TGDS: variants seen among roughly 807,000 people sequenced by gnomAD.
The protein encoded by TGDS is TDP-glucose 4,6-dehydratase.
In TGDS, 47 loss-of-function variants were observed where a neutral mutation model predicts 52.3. The observed-to-expected ratio is 0.90, with a 90% CI of 0.71 to 1.15. TGDS has a LOEUF of 1.15. TGDS is among the 50% of genes most tolerant of loss of function. The pLI is 0.00. For synonymous variants in TGDS, 115 were observed against 136.9 expected (o/e 0.84, Z 1.12); for missense variants, 375 against 418.4 (o/e 0.90, Z 0.90).
intron 7 of TGDS, chr13:94,579,592 TTCTA>T (rs140238942): frequency 1.3e-4 from 26 of 201,504 alleles, no homozygotes; most frequent in African/African-American, 5.6e-4. Context: ...GGTAGAAGTA[TTCTA>T]TAGTGCTTTA....
chr13:94,574,736 G>C lies in TGDS; in HGVS notation c.*46C>G, dbSNP rs1295658628. The C allele has an allele frequency of 8.2e-7, 1 of 1,222,392 alleles. No individual in the cohort carries two copies. The highest frequency in any genetic ancestry group is 1.2e-6 in the Non-Finnish European group (1 of 839,804). The allele number at this position is 1,222,392 out of a possible 1,614,324, so 75.7% of individuals were successfully genotyped here. A position where few individuals can be genotyped will look rare whatever the true frequency, so the allele number is the denominator to read the frequency against. ...TAATTTCATACCACTTGGCGAGGTA[G>C]GATAACTTTCTTCTTTGACAACTGT... On this transcript the variant is annotated 3_prime_UTR_variant, in exon 12 of 12. Transcript: ENST00000261296.
At chr13:94,585,067 T>C (rs891543913) in intron 4 of TGDS, among the ~76,000 whole-genome samples, 1 of 152,114 alleles carries the variant, frequency 6.6e-6, no homozygotes, top group Non-Finnish European at 1.5e-5. Context: ...GAAAACTTTT[T>C]TTTTTTCTCT....
chr13:94,590,382 C>T (rs1369026314), intron 4 of TGDS, among the ~76,000 whole-genome samples: 1 of 151,852 alleles, frequency 6.6e-6, no homozygotes, highest in Non-Finnish European at 1.5e-5. Context: ...GATTCAGCAA[C>T]ATTCTGTCTT....
intron 5 of TGDS, among the ~76,000 whole-genome samples, chr13:94,581,391 A>C (rs960901522): frequency 2.0e-5 from 3 of 152,204 alleles, no homozygotes; most frequent in African/African-American, 7.2e-5. Context: ...AGAGAACAGC[A>C]AGTGTAAGGG....
chr13:94,584,811 C>T (rs1010076898), intron 4 of TGDS, among the ~76,000 whole-genome samples: 2 of 152,090 alleles, frequency 1.3e-5, no homozygotes, highest in Admixed American at 1.3e-4. Context: ...CTAGAAGAGC[C>T]TCTCAATGGC....
intron 4 of TGDS, among the ~76,000 whole-genome samples, chr13:94,584,625 T>C (rs560553715): frequency 3.9e-5 from 6 of 152,330 alleles, no homozygotes; most frequent in Admixed American, 3.9e-4. Context: ...GTGCCCAGAC[T>C]GTGGCCTCTA....
chr13:94,588,421 C>CAAAAAAAA (rs150186125), intron 4 of TGDS, among the ~76,000 whole-genome samples: 39 of 58,490 alleles, frequency 6.7e-4, no homozygotes, highest in African/African-American at 2.2e-3. Flanking sequence ...GACTCTGTCT[C>CAAAAAAAA]AAAAAAAAAA....
Position 94,583,249 on chromosome 13 carries a change from A to G in TGDS, c.314-13T>C, listed in dbSNP as rs1176885204. The G allele has an allele frequency of 7.5e-6, 12 of 1,609,686 alleles. No individual in the cohort carries two copies. Among genetic ancestry groups the G allele is most frequent in the Non-Finnish European group, 9.3e-6 (11 of 1,178,736 alleles). ...ACGAATGAAAGATCTAAAAGAAAAG[A>G]GTGAAAAGCTAAAACAAGTCTACCC... On this transcript the variant is annotated splice_polypyrimidine_tract_variant and intron_variant, in intron 4 of 11. Coordinates refer to ENST00000261296, the MANE Select transcript of TGDS (RefSeq NM_014305.4).
chr13:94,576,413 T>C lies in TGDS; in HGVS notation c.885-2A>G, dbSNP rs775253964. ...GGGTATCTCATGTCATTGGTGGGTC[T>C]TGGAAAACAAAACAGATTTAAAATA... is the stretch of plus-strand genomic sequence containing the variant. On this transcript the variant is annotated splice_acceptor_variant, in intron 10 of 11. Coordinates refer to ENST00000261296, the MANE Select transcript of TGDS (RefSeq NM_014305.4). LOFTEE classifies it high-confidence loss of function. 6.4e-7 allele frequency: 1 copy of C among 1,571,212 alleles called. No homozygotes were observed. Among genetic ancestry groups the C allele is most frequent in the East Asian group, 2.3e-5 (1 of 43,490 alleles).
intron 3 of TGDS, 79 bp downstream of exon 3, chr13:94,592,162 C>T: frequency 9.2e-7 from 1 of 1,091,816 alleles, no homozygotes; most frequent in Non-Finnish European, 1.3e-6. Flanking sequence ...CCACATTACA[C>T]AAGTTTGTAA....
rs117901477 is a variant in TGDS at position 94,594,399 on chromosome 13, C to T, written c.87-492G>A. ...GTATAAGATTTTGGTAATGTTAAAC[C>T]AGAATCCTCAGGAGGCTTCTAGACT... On this transcript the variant is annotated intron_variant, in intron 1 of 11. Transcript: ENST00000261296. Among the ~76,000 whole-genome samples the T allele has an allele frequency of 2.5e-3, 384 of 152,216 alleles. 1 individual carries two copies. Among genetic ancestry groups the T allele is most frequent in the Non-Finnish European group, 4.0e-3 (271 of 68,010 alleles).
intron 1 of TGDS, 171 bp downstream of exon 1, chr13:94,595,880 C>G (rs1362177628): frequency 1.4e-6 from 1 of 710,610 alleles, no homozygotes; most frequent in African/African-American, 1.8e-5. Flanking sequence ...GGAACCACTT[C>G]TTTGCAGGCC....
chr13:94,576,969 C>T (rs1413761825), intron 10 of TGDS, among the ~76,000 whole-genome samples: 1 of 151,886 alleles, frequency 6.6e-6, no homozygotes, highest in Non-Finnish European at 1.5e-5. Context: ...GGTGTAGTGG[C>T]GTGTGCCTGT....
rs140173334 is a variant in TGDS at position 94,589,194 on chromosome 13, T to C, written c.313+1659A>G. ...GCCATACAGAGAAGGCTCTGTAACA[T>C]ATGTAATGATAAAGAACTAGTGTCC... On this transcript the variant is annotated intron_variant, in intron 4 of 11. Transcript: ENST00000261296. Among the ~76,000 whole-genome samples the C allele has an allele frequency of 3.3e-3, 501 of 152,256 alleles. 3 individuals carry two copies. Among genetic ancestry groups the C allele is most frequent in the Middle Eastern group, 0.02 (6 of 294 alleles).
At chr13:94,578,997 G>A (rs1297410719) in intron 7 of TGDS, among the ~76,000 whole-genome samples, 5 of 152,132 alleles carry the variant, frequency 3.3e-5, no homozygotes, top group Non-Finnish European at 1.5e-5. Flanking sequence ...GATCTAAATA[G>A]GGGAAAAATG....
intron 4 of TGDS, among the ~76,000 whole-genome samples, chr13:94,584,725 A>G (rs1888920241): frequency 6.6e-6 from 1 of 152,192 alleles, no homozygotes; most frequent in South Asian, 2.1e-4. Context: ...ATAAAACTGA[A>G]ACATCCTATC....
At chr13:94,588,278 C>T (rs1441001764) in intron 4 of TGDS, among the ~76,000 whole-genome samples, 2 of 151,494 alleles carry the variant, frequency 1.3e-5, no homozygotes, top group African/African-American at 4.8e-5. Flanking sequence ...ACAAAATTAG[C>T]TGGGCGTGGT....
chr13:94,591,620 A>G (rs1316850467), intron 3 of TGDS, among the ~76,000 whole-genome samples: 1 of 152,142 alleles, frequency 6.6e-6, no homozygotes, highest in East Asian at 1.9e-4. Context: ...AACTGGAATG[A>G]TATTTTGAAA....
Position 94,574,884 on chromosome 13 carries a change from AAAG to A in TGDS, c.983-35_983-33del, listed in dbSNP as rs201674028. On this transcript the variant is annotated intron_variant, in intron 11 of 11. Coordinates refer to ENST00000261296, the MANE Select transcript of TGDS (RefSeq NM_014305.4). ...GGAAAAAACAAAAGACAAAAAAAAA[AAAG>A]AAAAGAAAGAAAAACTAAACATCAG... 0.2 allele frequency: 246,232 copies of A among 1,260,708 alleles called. 13,249 individuals carry two copies. Among genetic ancestry groups the A allele is most frequent in the African/African-American group, 0.44 (26,703 of 61,126 alleles). 78.1% of individuals were successfully genotyped at this position (1,260,708 alleles called of 1,614,324 possible).
Sources: allele counts gnomAD v4.1 joint callset (sites outside exome capture counted in the v4.1 genomes callset), GRCh38; gene constraint gnomAD v4.1.1; transcripts MANE v1.5; gene names NCBI Gene and HGNC (gene_info 2026-07-23, HGNC 2026-07-21).